ADAMTS3: variants seen among roughly 807,000 people sequenced by gnomAD.
ADAMTS3 encodes A disintegrin and metalloproteinase with thrombospondin motifs 3.
A neutral mutation model predicts 129.0 loss-of-function variants in ADAMTS3; 73 were observed. The observed-to-expected ratio is 0.57, with a 90% CI of 0.47 to 0.69. The LOEUF is 0.69. ADAMTS3 is among the 30% of genes least tolerant of loss of function. The probability of loss-of-function intolerance (pLI) is 0.00; values close to 1 mark genes in which losing one functional copy is unlikely to be tolerated. For synonymous variants in ADAMTS3, 477 were observed against 510.8 expected (o/e 0.93, Z 0.89); for missense variants, 1,457 against 1,514.5 (o/e 0.96, Z 0.63).
intron 3 of ADAMTS3, among the ~76,000 whole-genome samples, chr4:72,435,292 C>T (rs993914324): frequency 6.6e-6 from 1 of 151,530 alleles, no homozygotes; most frequent in African/African-American, 2.4e-5. Flanking sequence ...CTCTGTTTGA[C>T]CACAAAAGCT....
intron 2 of ADAMTS3, among the ~76,000 whole-genome samples, chr4:72,561,455 T>C (rs1721901634): frequency 6.6e-6 from 1 of 151,818 alleles, no homozygotes. Context: ...CAGTGAGCCA[T>C]GACTGCATCA....
chr4:72,373,316 A>G (rs1721057697), intron 4 of ADAMTS3, among the ~76,000 whole-genome samples: 1 of 152,154 alleles, frequency 6.6e-6, no homozygotes, highest in Non-Finnish European at 1.5e-5. Context: ...CTCAAATACA[A>G]GGTGAGACTG....
intron 4 of ADAMTS3, among the ~76,000 whole-genome samples, chr4:72,350,898 A>ATCTTTAGAGTTGTATCTCTGTATGGC (rs1181252226): frequency 1.4e-4 from 21 of 151,766 alleles, no homozygotes; most frequent in Non-Finnish European, 3.1e-4. Context: ...ACCTCTGCAG[A>ATCTTTAGAGTTGTATCTCTGTATGGC]TCTTTAGAGT....
chr4:72,476,977 T>A (rs1159444628), intron 3 of ADAMTS3, among the ~76,000 whole-genome samples: 1 of 152,130 alleles, frequency 6.6e-6, no homozygotes, highest in Non-Finnish European at 1.5e-5. Context: ...CAGAATTCAA[T>A]ATTCATTTGT....
chr4:72,569,031 G>C lies in ADAMTS3; in HGVS notation c.-269C>G, dbSNP rs1722096290. The C allele has an allele frequency of 3.8e-6, 2 of 532,024 alleles. No individual in the cohort carries two copies. The highest frequency in any genetic ancestry group is 6.7e-5 in the Admixed American group (2 of 29,910). The allele number at this position is 532,024 out of a possible 1,614,324, so 33.0% of individuals were successfully genotyped here. On this transcript the variant is annotated 5_prime_UTR_variant, in exon 1 of 22. Coordinates refer to ENST00000286657, the MANE Select transcript of ADAMTS3 (RefSeq NM_014243.3). ...AGGAGCGAGAAGGTGCTGTAAGCGG[G>C]CACAGGCTAAGCCTGGGAGAGGGGG...
In ADAMTS3 at chr4:72,298,314, C is replaced by G; in HGVS notation, c.2553G>C (p.Leu851Phe). Reference sequence around the variant, plus strand: ...GTTTGGAACACTGAGACCAGCTCTTCAAAGCCCACTCAAAAGTATCTAATT... The same window carrying G: ...GTTTGGAACACTGAGACCAGCTCTTGAAAGCCCACTCAAAAGTATCTAATT... ...QEELDTFEWA[L>F]KSWSQCSKPC... Residue 851 changes from leucine (L) to phenylalanine (F), a missense_variant, in exon 18 of 22, where the codon TTG (leucine) becomes TTC (phenylalanine). Transcript: ENST00000286657. The G allele has an allele frequency of 6.2e-7, 1 of 1,613,010 alleles. No individual in the cohort carries two copies. The highest frequency in any genetic ancestry group is 1.1e-5 in the South Asian group (1 of 91,034).
intron 3 of ADAMTS3, among the ~76,000 whole-genome samples, chr4:72,481,914 G>C (rs905853125): frequency 1.3e-5 from 2 of 152,120 alleles, no homozygotes; most frequent in Admixed American, 6.5e-5. Flanking sequence ...CACATGAAAA[G>C]ATAATTAACC....
chr4:72,401,464 G>A (rs1298527023), intron 4 of ADAMTS3, among the ~76,000 whole-genome samples: 1 of 150,648 alleles, frequency 6.6e-6, no homozygotes, highest in Non-Finnish European at 1.5e-5. Flanking sequence ...CTACTTGGTA[G>A]GCTGAGGTAG....
At chr4:72,476,162 A>G (rs1452497906) in intron 3 of ADAMTS3, among the ~76,000 whole-genome samples, 2 of 152,004 alleles carry the variant, frequency 1.3e-5, no homozygotes, top group Admixed American at 6.6e-5. Context: ...GAAAAAATCA[A>G]TAGAGAAAAC....
At chr4:72,349,110 C>G (rs528044391) in intron 4 of ADAMTS3, among the ~76,000 whole-genome samples, 1 of 152,112 alleles carries the variant, frequency 6.6e-6, no homozygotes, top group East Asian at 1.9e-4. Context: ...GAACTGAGTT[C>G]TAGTTCCAGC....
intron 5 of ADAMTS3, among the ~76,000 whole-genome samples, 185 bp downstream of exon 5, chr4:72,339,309 T>C (rs764815160): frequency 6.6e-6 from 1 of 152,210 alleles, no homozygotes; most frequent in South Asian, 2.1e-4. Context: ...AACTTTCGCT[T>C]CATGCTTCCT....
intron 10 of ADAMTS3, 117 bp from the exon 11 acceptor site, chr4:72,316,088 T>C (rs373915123): frequency 2.7e-5 from 13 of 483,032 alleles, no homozygotes; most frequent in African/African-American, 2.2e-4. Flanking sequence ...TTCAAGTTAA[T>C]AGCCAATGTT....
intron 3 of ADAMTS3, among the ~76,000 whole-genome samples, chr4:72,442,612 T>C (rs1357203074): frequency 6.6e-6 from 1 of 151,696 alleles, no homozygotes; most frequent in African/African-American, 2.4e-5. Context: ...CGCAACTCCA[T>C]CACTGGCAAT....
intron 3 of ADAMTS3, among the ~76,000 whole-genome samples, chr4:72,517,169 C>T (rs1720511389): frequency 6.6e-6 from 1 of 152,148 alleles, no homozygotes. Flanking sequence ...ACCAGCCTTG[C>T]ATCCCAGGGA....
In ADAMTS3 at chr4:72,568,924, T is replaced by G; in HGVS notation, c.-162A>C. On this transcript the variant is annotated 5_prime_UTR_variant, in exon 1 of 22. Transcript: ENST00000286657. ...TGCTTTGCTTCAATGAAAATGAAAT[T>G]TGAGCTCTGAGACTGGCCCCCTCTG... 3.1e-6 allele frequency: 2 copies of G among 641,120 alleles called. No homozygotes were observed. The highest frequency in any genetic ancestry group is 5.5e-6 in the Non-Finnish European group (2 of 362,542). 39.7% of individuals were successfully genotyped at this position (641,120 alleles called of 1,614,324 possible). A position where few individuals can be genotyped will look rare whatever the true frequency, so the allele number is the denominator to read the frequency against.
intron 4 of ADAMTS3, among the ~76,000 whole-genome samples, chr4:72,367,379 A>G (rs1379154674): frequency 6.6e-6 from 1 of 152,132 alleles, no homozygotes; most frequent in East Asian, 1.9e-4. Flanking sequence ...AAAATATAAA[A>G]TTATATTAAC....
chr4:72,302,004 G>C (rs1254757019), intron 17 of ADAMTS3, among the ~76,000 whole-genome samples: 1 of 152,016 alleles, frequency 6.6e-6, no homozygotes, highest in African/African-American at 2.4e-5. Context: ...AGGCAGGGCT[G>C]AGCCTGGCAC....
intron 3 of ADAMTS3, among the ~76,000 whole-genome samples, chr4:72,532,177 G>C (rs1250513749): frequency 1.3e-5 from 2 of 152,080 alleles, no homozygotes; most frequent in African/African-American, 4.8e-5. Context: ...GTCAGTAACT[G>C]AGAGCATGAC....
At chr4:72,364,219 A>C (rs547259027) in intron 4 of ADAMTS3, among the ~76,000 whole-genome samples, 8 of 152,236 alleles carry the variant, frequency 5.3e-5, no homozygotes, top group Admixed American at 5.2e-4. Flanking sequence ...CACACGCACA[A>C]ACACACAAAG....
Sources: allele counts gnomAD v4.1 joint callset (sites outside exome capture counted in the v4.1 genomes callset), GRCh38; gene constraint gnomAD v4.1.1; transcripts MANE v1.5; gene names NCBI Gene and HGNC (gene_info 2026-07-23, HGNC 2026-07-21).